QPCTL: variants seen among roughly 807,000 people sequenced by gnomAD.
QPCTL encodes the protein glutaminyl-peptide cyclotransferase like.
Under a neutral mutation model 34.6 loss-of-function variants are expected in QPCTL, and 31 were observed. The ratio of observed to expected loss-of-function variants is 0.90; its 90% CI spans 0.67 to 1.21. The LOEUF is 1.21. Among genes scored for constraint, QPCTL ranks in the 50% most tolerant of loss-of-function variants. The probability of loss-of-function intolerance (pLI) is 0.00; values close to 1 mark genes in which losing one functional copy is unlikely to be tolerated. For missense variants in QPCTL, 474 were observed against 507.8 expected (o/e 0.93, Z 0.64); for synonymous variants, 223 against 226.9 (o/e 0.98, Z 0.15).
chr19:45,692,948 T>C, intron 1 of QPCTL, 38 bp downstream of exon 1: 7 of 1,514,680 alleles, frequency 4.6e-6, no homozygotes, highest in Non-Finnish European at 5.3e-6. Flanking sequence ...GCGGGGACCC[T>C]CATTCCCTCC....
rs777276456 is a variant in QPCTL at position 45,701,922 on chromosome 19, C to G, written c.1003+8C>G. On this transcript the variant is annotated splice_region_variant and intron_variant, in intron 6 of 6. Transcript: ENST00000012049. ...TCCCCTTCCTCCGCAGAGGTACCAG[C>G]TGCAGGGAGGGATGGAGGGTGGGTG... The G allele has an allele frequency of 4.4e-6, 7 of 1,600,862 alleles. No individual in the cohort carries two copies. In the Admixed American group the frequency reaches 6.7e-5, roughly 15 times the overall value.
intron 2 of QPCTL, 94 bp from the exon 3 acceptor site, chr19:45,695,343 A>C: frequency 1.7e-6 from 2 of 1,179,106 alleles, no homozygotes; most frequent in South Asian, 2.9e-5. Flanking sequence ...CTTTAGTGTC[A>C]ACCCATCTGC....
In QPCTL at chr19:45,693,411, A is replaced by G. The variant is rs763787536; in HGVS notation, c.208-2A>G. Reference sequence around the variant, plus strand: ...CCTTCCCTATCCCACCTCCTTCCCAAGGTCCCATTGATCGGAAGCCTCCCC... The same window carrying G: ...CCTTCCCTATCCCACCTCCTTCCCAGGGTCCCATTGATCGGAAGCCTCCCC... On this transcript the variant is annotated splice_acceptor_variant, in intron 1 of 6. Coordinates refer to ENST00000012049, the MANE Select transcript of QPCTL (RefSeq NM_017659.4). LOFTEE classifies it high-confidence loss of function. The G allele has an allele frequency of 3.5e-5, 57 of 1,608,348 alleles. No individual in the cohort carries two copies. Among genetic ancestry groups the G allele is most frequent in the Admixed American group, 1.8e-4 (11 of 59,496 alleles).
rs974356856 is a variant in QPCTL, at chr19:45,693,334, G to C, written c.208-79G>C. ...AGGAAGAGAACCCGGGGCTCCTCGC[G>C]GGTGACGGCGCCCGGGGTAGGGTTG... On this transcript the variant is annotated intron_variant, in intron 1 of 6. Coordinates refer to ENST00000012049, the MANE Select transcript of QPCTL (RefSeq NM_017659.4). The C allele has an allele frequency of 3.3e-6, 5 of 1,493,908 alleles. No homozygotes were observed. In the African/African-American group the frequency reaches 7.0e-5, roughly 21 times the overall value. 92.5% of individuals were successfully genotyped at this position (1,493,908 alleles called of 1,614,324 possible).
At chr19:45,701,975 C>T in intron 6 of QPCTL, 61 bp downstream of exon 6, 1 of 1,365,116 alleles carries the variant, frequency 7.3e-7, no homozygotes, top group South Asian at 1.2e-5. Flanking sequence ...TTGGAACTGG[C>T]CAAGTCCCCT....
chr19:45,695,131 C>CA (rs1252784803), intron 2 of QPCTL, among the ~76,000 whole-genome samples: 2 of 151,848 alleles, frequency 1.3e-5, no homozygotes, highest in African/African-American at 2.4e-5. Flanking sequence ...ACTAAAAATA[C>CA]AAAAAATAGC....
intron 3 of QPCTL, among the ~76,000 whole-genome samples, chr19:45,698,179 G>T (rs979937132): frequency 1.3e-5 from 2 of 151,946 alleles, no homozygotes; most frequent in African/African-American, 4.8e-5. Flanking sequence ...GGAGGTAGGG[G>T]GTGGAGGTTG....
intron 5 of QPCTL, among the ~76,000 whole-genome samples, chr19:45,700,912 TTGTG>T (rs1967797863): frequency 6.7e-6 from 1 of 149,734 alleles, no homozygotes; most frequent in Non-Finnish European, 1.5e-5. Flanking sequence ...TGAGCCGAGA[TTGTG>T]CTACTGCACT....
At chr19:45,696,026 G>A (rs62111729) in intron 3 of QPCTL, among the ~76,000 whole-genome samples, 3,680 of 152,040 alleles carry the variant, frequency 0.024, 69 homozygotes, top group Non-Finnish European at 0.036. Flanking sequence ...GAGCCACCGC[G>A]CCTGGTCATC....
chr19:45,699,652 C>T lies in QPCTL; in HGVS notation c.886+752C>T, dbSNP rs374319827. Reference sequence around the variant, plus strand: ...TACAAAATAAAAACAAACATTAGGCCAGGCGCGATGGCTCACACCTGTAAT... The same window carrying T: ...TACAAAATAAAAACAAACATTAGGCTAGGCGCGATGGCTCACACCTGTAAT... On this transcript the variant is annotated intron_variant, in intron 5 of 6. Coordinates refer to ENST00000012049, the MANE Select transcript of QPCTL (RefSeq NM_017659.4). Among the ~76,000 whole-genome samples the T allele has an allele frequency of 1.5e-3, 234 of 151,548 alleles. 1 individual carries two copies. Among genetic ancestry groups the T allele is most frequent in the African/African-American group, 5.2e-3 (215 of 41,348 alleles).
In QPCTL at chr19:45,699,356, C is replaced by T. The variant is rs560444491; in HGVS notation, c.886+456C>T. On this transcript the variant is annotated intron_variant, in intron 5 of 6. Coordinates refer to ENST00000012049, the MANE Select transcript of QPCTL (RefSeq NM_017659.4). The stretch of plus-strand genomic sequence containing the variant: ...ACCCCATCTCTTAAAAAAAAATTAG[C>T]TGGGTGCAGTGGCATGCACCTGTCA... Among the ~76,000 whole-genome samples the T allele has an allele frequency of 1.4e-4, 21 of 150,656 alleles. No homozygotes were observed. In the South Asian group the frequency reaches 4.4e-3, roughly 31 times the overall value.
chr19:45,699,831 C>T (rs1967775420), intron 5 of QPCTL, among the ~76,000 whole-genome samples: 1 of 150,320 alleles, frequency 6.7e-6, no homozygotes, highest in African/African-American at 2.4e-5. Context: ...ATTCGGGAGG[C>T]TGAAGCAGGA....
chr19:45,692,899 C>T lies in QPCTL; in HGVS notation c.196C>T (p.Arg66Trp). ...CAGGACTGAGGAGCTGCCGCTGGGC[C>T]GGGAGCTGCGGGTGAGGCTGGGCGG... ...HRRTEELPLG[R>W]ELRVPLIGSL... Residue 66 changes from arginine (R) to tryptophan (W), a missense_variant, in exon 1 of 7, where the codon CGG (arginine) becomes TGG (tryptophan). Physicochemically the swap from Arg to Trp is moderately radical, Grantham distance 101. Transcript: ENST00000012049. 6.5e-7 allele frequency: 1 copy of T among 1,539,794 alleles called. No individual in the cohort carries two copies. Among genetic ancestry groups the T allele is most frequent in the Non-Finnish European group, 8.7e-7 (1 of 1,145,302 alleles).
In QPCTL at chr19:45,695,659, G is replaced by T; in HGVS notation, c.574G>T (p.Ala192Ser). 1 of 1,613,644 alleles carries T rather than the reference G, an allele frequency of 6.2e-7. No homozygotes were observed. Among genetic ancestry groups the T allele is most frequent in the Non-Finnish European group, 8.5e-7 (1 of 1,179,902 alleles). The change falls in exon 3 of 7, where the codon GCC becomes TCC. Residue 192 changes from alanine to serine, a missense_variant. Ala to Ser is a moderately conservative substitution (Grantham distance 99, BLOSUM62 1). Coordinates refer to ENST00000012049, the MANE Select transcript of QPCTL (RefSeq NM_017659.4). ...GGCCACGGATTCGGCTGTGCCCTGT[G>T]CCCTGCTGCTGGAGCTGGCCCAAGC... is the stretch of plus-strand genomic sequence containing the variant. The part of the protein sequence containing the change: ...VGATDSAVPC[A>S]LLLELAQALD...
chr19:45,699,906 TGGG>T (rs1967776874), intron 5 of QPCTL, among the ~76,000 whole-genome samples: 1 of 130,148 alleles, frequency 7.7e-6, no homozygotes, highest in Non-Finnish European at 1.5e-5. Context: ...CACTCCAGCC[TGGG>T]CAACAGAGCG....
rs922122031 is a variant in QPCTL, at chr19:45,692,732, G to C, written c.29G>C (p.Arg10Pro). 2 of 1,562,342 alleles carry C rather than the reference G, an allele frequency of 1.3e-6. No individual in the cohort carries two copies. The highest frequency in any genetic ancestry group is 1.9e-5 in the Admixed American group (1 of 51,574). MRSGGRGRP[R>P]LRLGERGLME... is the part of the protein sequence containing the mutation. ...CGTTCCGGGGGCCGCGGGCGACCCC[G>C]CCTGCGGCTGGGGGAACGTGGCCTC... Residue 10 changes from arginine (R) to proline (P), a missense_variant, in exon 1 of 7, where the codon CGC becomes CCC. Transcript: ENST00000012049.
chr19:45,694,468 T>C (rs1365053627), intron 2 of QPCTL, among the ~76,000 whole-genome samples: 2 of 135,034 alleles, frequency 1.5e-5, no homozygotes, highest in Non-Finnish European at 2.9e-5. Context: ...TTTTTTATTT[T>C]ATTTTATTTT....
At chr19:45,698,308 A>G (rs1177043808) in intron 3 of QPCTL, among the ~76,000 whole-genome samples, 1 of 152,186 alleles carries the variant, frequency 6.6e-6, no homozygotes, top group Non-Finnish European at 1.5e-5. Flanking sequence ...TTTATAGATG[A>G]AGAAACTGAT....
At chr19:45,702,519 G>C (rs10410910) in intron 6 of QPCTL, among the ~76,000 whole-genome samples, 2 of 151,368 alleles carry the variant, frequency 1.3e-5, no homozygotes, top group Non-Finnish European at 2.9e-5. Context: ...ATCCTAGCAC[G>C]TTGGGAGCCT....
Sources: gnomAD v4.1 joint callset for allele counts (sites outside exome capture counted in the v4.1 genomes callset) on GRCh38, gnomAD v4.1.1 for gene constraint, MANE v1.5 for transcripts, NCBI Gene and HGNC (gene_info 2026-07-23, HGNC 2026-07-21) for gene names.